The following WASHC5 variants were observed in gnomAD, a reference collection of about 807,000 sequenced individuals.
WASHC5 encodes WASH complex subunit 5, also known as WASH complex subunit strumpellin.
A neutral mutation model predicts 150.4 loss-of-function variants in WASHC5; 101 were observed. The ratio of observed to expected loss-of-function variants is 0.67; its 90% confidence interval spans 0.57 to 0.79. The LOEUF is 0.79. Ranked by LOEUF, WASHC5 falls within the 30% of genes least tolerant of loss-of-function variation. The pLI is 0.00. For missense variants in WASHC5, 1,195 were observed against 1,396.3 expected (o/e 0.86, Z 2.30); for synonymous variants, 467 against 491.2 (o/e 0.95, Z 0.65).
At chr8:125,049,751 G>C (rs1816183401) in intron 18 of WASHC5, among the ~76,000 whole-genome samples, 1 of 151,414 alleles carries the variant, frequency 6.6e-6, no homozygotes, top group Non-Finnish European at 1.5e-5. Flanking sequence ...TGAGGCACAA[G>C]AATCGCTTGA....
intron 16 of WASHC5, 41 bp downstream of exon 16, chr8:125,056,636 G>C (rs781000415): frequency 1.9e-6 from 3 of 1,612,854 alleles, no homozygotes; most frequent in East Asian, 2.2e-5. Flanking sequence ...ATGACTGTTA[G>C]TTTTTAATAT....
chr8:125,086,153 A>C (rs1817415325), intron 1 of WASHC5, among the ~76,000 whole-genome samples: 1 of 152,142 alleles, frequency 6.6e-6, no homozygotes, highest in Admixed American at 6.5e-5. Context: ...CACCACAGAG[A>C]GGGTGACTTA....
intron 27 of WASHC5, among the ~76,000 whole-genome samples, chr8:125,029,177 G>A (rs1158496741): frequency 1.3e-5 from 2 of 152,092 alleles, no homozygotes; most frequent in African/African-American, 4.8e-5. Flanking sequence ...GATTACAGAT[G>A]CACGCCAGCA....
intron 23 of WASHC5, among the ~76,000 whole-genome samples, chr8:125,041,450 G>C (rs1250589811): frequency 6.6e-6 from 1 of 152,106 alleles, no homozygotes; most frequent in Non-Finnish European, 1.5e-5. Flanking sequence ...GACCAAGCCT[G>C]GCCAAAATGG....
chr8:125,042,253 C>T (rs1293154377), intron 23 of WASHC5, among the ~76,000 whole-genome samples: 2 of 152,142 alleles, frequency 1.3e-5, no homozygotes, highest in East Asian at 3.9e-4. Flanking sequence ...CTATTGAGTA[C>T]AGCAGCTCCT....
rs1396497990 is a variant in WASHC5, at chr8:125,063,577, A to G, written c.1353T>C (p.Thr451=). 1 of 1,613,508 alleles carries G rather than the reference A, an allele frequency of 6.2e-7. No individual in the cohort carries two copies. The highest frequency in any genetic ancestry group is 1.1e-5 in the South Asian group (1 of 91,072). ...HYKKEGSERM[T]ELADVFSGVK... is the part of the protein sequence containing the mutation. ...CTCCTGAAAAGACATCAGCAAGCTC[A>G]GTCATCCGCTCCGAACCCTCTTTCT... The change falls in exon 11 of 29, where the codon ACT becomes ACC. Residue 451 remains threonine (T), a synonymous_variant. Coordinates refer to ENST00000318410, the MANE Select transcript of WASHC5 (RefSeq NM_014846.4).
At chr8:125,069,760 A>C (rs1294812627) in intron 9 of WASHC5, among the ~76,000 whole-genome samples, 1 of 152,194 alleles carries the variant, frequency 6.6e-6, no homozygotes, top group African/African-American at 2.4e-5. Context: ...ATATATTGGA[A>C]CTGGTGACAC....
At chr8:125,060,853 CAT>C (rs1275727763) in intron 12 of WASHC5, among the ~76,000 whole-genome samples, 6 of 152,280 alleles carry the variant, frequency 3.9e-5, no homozygotes, top group Non-Finnish European at 7.3e-5. Context: ...TCTAAGATTA[CAT>C]GTTTCCTCAA....
chr8:125,034,072 A>G (rs527991147), intron 26 of WASHC5, among the ~76,000 whole-genome samples: 180 of 152,340 alleles, frequency 1.2e-3, no homozygotes, highest in Middle Eastern at 3.4e-3. Context: ...AAAAACGAGC[A>G]TAAGACTAGA....
chr8:125,061,762 A>C (rs1011947692), intron 11 of WASHC5, among the ~76,000 whole-genome samples: 1 of 152,166 alleles, frequency 6.6e-6, no homozygotes, highest in African/African-American at 2.4e-5. Flanking sequence ...ACAGTAGAGA[A>C]AGAGAAGGGT....
chr8:125,071,640 A>G (rs182213221), intron 9 of WASHC5, among the ~76,000 whole-genome samples: 1 of 152,246 alleles, frequency 6.6e-6, no homozygotes, highest in Non-Finnish European at 1.5e-5. Flanking sequence ...ATCCCAAGCA[A>G]TGTTTCCCTC....
intron 10 of WASHC5, 95 bp downstream of exon 10, chr8:125,067,497 A>G (rs1179663790): frequency 3.8e-6 from 4 of 1,061,512 alleles, no homozygotes; most frequent in African/African-American, 1.6e-5. Flanking sequence ...ACCTTGAATC[A>G]GAGACAGAGC....
chr8:125,029,028 C>CA (rs1815450624), intron 27 of WASHC5, among the ~76,000 whole-genome samples: 1 of 132,932 alleles, frequency 7.5e-6, no homozygotes, highest in Non-Finnish European at 1.5e-5. Flanking sequence ...CATCCCTGCA[C>CA]ACTTTTTTTT....
In WASHC5 at chr8:125,044,665, C is replaced by T. The variant is rs761269000; in HGVS notation, c.2538G>A (p.Trp846Ter). ...CTTCCTGATGAGTTTTCATATCATACCAAGTGTTCAGCTGGTCTATGTGAC... is the reference window on the plus strand; with the variant it reads ...CTTCCTGATGAGTTTTCATATCATATCAAGTGTTCAGCTGGTCTATGTGAC... ...MTCHIDQLNT[W>*]YDMKTHQEVT... The change falls in exon 21 of 29, where the codon TGG (tryptophan) becomes TGA (stop). Residue 846 changes from tryptophan to a stop codon, truncating the protein, a stop_gained. Coordinates refer to ENST00000318410, the MANE Select transcript of WASHC5 (RefSeq NM_014846.4). LOFTEE classifies it high-confidence loss of function. 3 of 1,614,014 alleles carry T rather than the reference C, an allele frequency of 1.9e-6. No homozygotes were observed. Among genetic ancestry groups the T allele is most frequent in the Non-Finnish European group, 2.5e-6 (3 of 1,179,934 alleles).
chr8:125,081,759 A>C lies in WASHC5; in HGVS notation c.420T>G (p.Cys140Trp). The C allele has an allele frequency of 1.9e-6, 3 of 1,594,078 alleles. No individual in the cohort carries two copies. The highest frequency in any genetic ancestry group is 2.6e-6 in the Non-Finnish European group (3 of 1,161,976). Reference protein sequence around the residue: ...LLNEDGKQLLCEALYLYGVML... With the variant: ...LLNEDGKQLLWEALYLYGVML... ...TAACTCCATATAAGTACAGTGCTTC[A>C]CACTAAGAAGAGAAGAGGACAAAAG... Residue 140 changes from cysteine to tryptophan, a missense_variant and splice_region_variant, in exon 5 of 29, where the codon TGT becomes TGG. By Grantham distance (215) the Cys-to-Trp change is radical. Transcript: ENST00000318410.
chr8:125,059,145 G>A, intron 14 of WASHC5, 77 bp downstream of exon 14: 1 of 1,033,582 alleles, frequency 9.7e-7, no homozygotes, highest in East Asian at 2.4e-5. Flanking sequence ...TAAAATCCTG[G>A]GCTGAATTAA....
At chr8:125,054,438 AT>A (rs1365679115) in intron 17 of WASHC5, among the ~76,000 whole-genome samples, 1 of 152,192 alleles carries the variant, frequency 6.6e-6, no homozygotes, top group Non-Finnish European at 1.5e-5. Flanking sequence ...AGTTGGTGCT[AT>A]GGGTAATGGA....
chr8:125,030,620 A>G (rs567590756), intron 27 of WASHC5, among the ~76,000 whole-genome samples: 1 of 144,616 alleles, frequency 6.9e-6, no homozygotes, highest in East Asian at 2.2e-4. Flanking sequence ...CCTGGGCGAC[A>G]GAGCGACTCT....
At position 125,059,583 on chromosome 8, in the gene WASHC5, G is replaced by A. The variant is rs926654004; in HGVS notation, c.1522-41C>T. The stretch of plus-strand genomic sequence containing the variant: ...ATACTTAATTTAAAAATCCTGAATG[G>A]ACTCTATGGTGCTCATTTGTTCTTG... On this transcript the variant is annotated intron_variant, in intron 12 of 28. Transcript: ENST00000318410. The A allele has an allele frequency of 2.7e-6, 4 of 1,465,168 alleles. No individual in the cohort carries two copies. The African/African-American group carries it at 5.6e-5, about 20-fold the overall frequency. The allele number at this position is 1,465,168 out of a possible 1,614,324, so 90.8% of individuals were successfully genotyped here.
Sources: gnomAD v4.1 joint callset for allele counts (sites outside exome capture counted in the v4.1 genomes callset) on GRCh38, gnomAD v4.1.1 for gene constraint, MANE v1.5 for transcripts, NCBI Gene and HGNC (gene_info 2026-07-23, HGNC 2026-07-21) for gene names.